Variants in FER observed in about 807,000 individuals in gnomAD.
The protein encoded by FER is FER tyrosine kinase, also known as tyrosine-protein kinase Fer.
A neutral mutation model predicts 111.0 loss-of-function variants in FER; 63 were observed. That is an observed-to-expected ratio of 0.57 (90% CI 0.46 to 0.70). The LOEUF (loss-of-function observed/expected upper bound fraction) is 0.70. FER is among the 30% of genes least tolerant of loss of function. The pLI, the probability that FER is intolerant of heterozygous loss-of-function variation, is 0.00. For missense variants in FER, 914 were observed against 954.0 expected, an observed-to-expected ratio of 0.96 and a Z score of 0.55; for synonymous variants, 327 against 313.9, an observed-to-expected ratio of 1.04 and a Z score of -0.44.
intron 13 of FER, among the ~76,000 whole-genome samples, chr5:109,034,003 G>T (rs1243792265): frequency 6.6e-6 from 1 of 151,964 alleles, no homozygotes. Context: ...TTTAAAATCT[G>T]GAGCTTTTTG....
At chr5:109,041,158 A>T (rs147478120) in intron 14 of FER, among the ~76,000 whole-genome samples, 1 of 152,302 alleles carries the variant, frequency 6.6e-6, no homozygotes, top group East Asian at 1.9e-4. Context: ...ATGAATTTAA[A>T]GTTAAATCAG....
At chr5:109,025,215 T>C (rs1418465491) in intron 13 of FER, among the ~76,000 whole-genome samples, 1 of 152,040 alleles carries the variant, frequency 6.6e-6, no homozygotes, top group East Asian at 1.9e-4. Context: ...TTGGGCAGTA[T>C]GGCCATTTTC....
intron 10 of FER, among the ~76,000 whole-genome samples, chr5:108,904,376 T>C (rs1367442623): frequency 6.6e-6 from 1 of 152,176 alleles, no homozygotes; most frequent in Non-Finnish European, 1.5e-5. Flanking sequence ...TGTGCAGATA[T>C]CTGGAAGAAC....
intron 3 of FER, among the ~76,000 whole-genome samples, chr5:108,798,830 C>T (rs955865179): frequency 1.2e-4 from 18 of 152,090 alleles, no homozygotes; most frequent in African/African-American, 4.1e-4. Flanking sequence ...TCTCAAAAAA[C>T]AAAACAAAAA....
intron 10 of FER, among the ~76,000 whole-genome samples, chr5:108,934,161 G>A (rs1755112474): frequency 6.6e-6 from 1 of 152,102 alleles, no homozygotes; most frequent in Admixed American, 6.6e-5. Context: ...AATGACTGAT[G>A]CCCAGCGTTT....
chr5:108,953,857 A>G (rs1758076873), intron 11 of FER, among the ~76,000 whole-genome samples: 1 of 152,082 alleles, frequency 6.6e-6, no homozygotes, highest in South Asian at 2.1e-4. Flanking sequence ...TACTCTCTCT[A>G]TCTGGAGCAG....
At chr5:108,816,089 A>C (rs1020786319) in intron 3 of FER, among the ~76,000 whole-genome samples, 1 of 151,912 alleles carries the variant, frequency 6.6e-6, no homozygotes. Context: ...ACACACACAC[A>C]CCACACATAT....
intron 4 of FER, among the ~76,000 whole-genome samples, chr5:108,833,944 A>G (rs1285842188): frequency 1.3e-5 from 2 of 151,964 alleles, no homozygotes; most frequent in Non-Finnish European, 2.9e-5. Flanking sequence ...CATGTTATCG[A>G]ATACTTTTTG....
At chr5:109,123,972 G>A (rs529286761) in intron 17 of FER, among the ~76,000 whole-genome samples, 3 of 152,128 alleles carry the variant, frequency 2.0e-5, no homozygotes, top group Non-Finnish European at 4.4e-5. Context: ...GCTCATGCCT[G>A]TAATCCCAGC....
chr5:109,017,528 T>A (rs564168286), intron 13 of FER, among the ~76,000 whole-genome samples: 1 of 152,108 alleles, frequency 6.6e-6, no homozygotes, highest in South Asian at 2.1e-4. Flanking sequence ...CTGTTATTCA[T>A]TGTTGAACCT....
rs142049088 is a variant in FER, at chr5:108,946,335, T to C, written c.1329+113T>C. On this transcript the variant is annotated intron_variant, in intron 11 of 19. Coordinates refer to ENST00000281092, the MANE Select transcript of FER (RefSeq NM_005246.4). The stretch of plus-strand genomic sequence containing the variant: ...GTGTGTGTATATATATGTATATACA[T>C]ATATAAATTTGCACTTACAAATGGA... 2.0e-3 allele frequency: 1,225 copies of C among 625,854 alleles called. 42 individuals are homozygous for C. The East Asian group carries it at 0.03, about 15-fold the overall frequency. The allele number at this position is 625,854 out of a possible 1,614,324, so 38.8% of individuals were successfully genotyped here. A position where few individuals can be genotyped will look rare whatever the true frequency, so the allele number is the denominator to read the frequency against.
At chr5:108,912,220 C>G (rs139037732) in intron 10 of FER, among the ~76,000 whole-genome samples, 1 of 152,262 alleles carries the variant, frequency 6.6e-6, no homozygotes, top group East Asian at 1.9e-4. Flanking sequence ...CGGACTAATA[C>G]AAGTTACTTT....
intron 2 of FER, among the ~76,000 whole-genome samples, chr5:108,797,440 A>G (rs1756155400): frequency 6.6e-6 from 1 of 152,106 alleles, no homozygotes; most frequent in African/African-American, 2.4e-5. Context: ...CCCTCTGGCT[A>G]TGGCTGGTCT....
intron 17 of FER, among the ~76,000 whole-genome samples, chr5:109,153,587 A>AACTCTATC (rs1458834033): frequency 2.0e-5 from 3 of 151,926 alleles, no homozygotes; most frequent in African/African-American, 7.2e-5. Context: ...TCTTAATACT[A>AACTCTATC]ACTCTATCAT....
chr5:108,915,399 G>T (rs556006292), intron 10 of FER, among the ~76,000 whole-genome samples: 2 of 152,292 alleles, frequency 1.3e-5, no homozygotes, highest in South Asian at 4.1e-4. Context: ...TTGAACCCAG[G>T]AGGCAGAGGA....
At chr5:109,114,790 T>C (rs984819899) in intron 17 of FER, among the ~76,000 whole-genome samples, 3 of 152,118 alleles carry the variant, frequency 2.0e-5, no homozygotes, top group African/African-American at 7.2e-5. Flanking sequence ...AGCATATCTA[T>C]CTTTAATTTT....
chr5:108,770,321 G>A (rs1347817748), intron 2 of FER, among the ~76,000 whole-genome samples: 3 of 152,050 alleles, frequency 2.0e-5, no homozygotes, highest in Non-Finnish European at 2.9e-5. Context: ...AAAATAATTG[G>A]TCTATACTTT....
chr5:108,769,313 G>A (rs945152860), intron 2 of FER, among the ~76,000 whole-genome samples: 4 of 152,012 alleles, frequency 2.6e-5, no homozygotes, highest in African/African-American at 9.7e-5. Context: ...GTTTTTGATT[G>A]GAAGAGCATT....
At chr5:108,807,893 A>G (rs1306990) in intron 3 of FER, among the ~76,000 whole-genome samples, 7 of 151,830 alleles carry the variant, frequency 4.6e-5, no homozygotes, top group Non-Finnish European at 2.9e-5. Context: ...ATTCTGGAGC[A>G]AGTTGTTTAA....
Sources: allele counts gnomAD v4.1 joint callset (sites outside exome capture counted in the v4.1 genomes callset), GRCh38; gene constraint gnomAD v4.1.1; transcripts MANE v1.5; gene names NCBI Gene and HGNC (gene_info 2026-07-23, HGNC 2026-07-21).